The following HPSE2 variants were observed in gnomAD, a reference collection of about 807,000 sequenced individuals.
The protein encoded by HPSE2 is inactive heparanase-2.
A neutral mutation model predicts 60.5 loss-of-function variants in HPSE2; 38 were observed. The observed-to-expected ratio is 0.63, with a 90% confidence interval of 0.48 to 0.82. The LOEUF (loss-of-function observed/expected upper bound fraction) is 0.82. Among genes scored for constraint, HPSE2 ranks in the 40% least tolerant of loss-of-function variants. HPSE2 has a pLI of 0.00. For synonymous variants in HPSE2, 295 were observed against 293.2 expected (o/e 1.01, Z -0.06); for missense variants, 713 against 740.4 (o/e 0.96, Z 0.43).
rs545337943 is a variant in HPSE2 at position 99,117,949 on chromosome 10, C to A, written c.610+26289G>T. The stretch of plus-strand genomic sequence containing the variant: ...AATTCAGGCCAATATCCTTGATGAA[C>A]ATCGATGCAAAAATCCTAAGCAAAA... On this transcript the variant is annotated intron_variant, in intron 3 of 11. Transcript: ENST00000370552. Among the ~76,000 whole-genome samples the A allele has an allele frequency of 2.6e-5, 4 of 152,228 alleles. No homozygotes were observed. The South Asian group carries it at 8.3e-4, about 32-fold the overall frequency.
chr10:99,306,281 C>T, the HPSE2 span, among the ~76,000 whole-genome samples: 1 of 152,120 alleles, frequency 6.6e-6, no homozygotes, highest in East Asian at 1.9e-4. Flanking sequence ...CCCTCCTCCT[C>T]CATTTTACCC....
chr10:99,177,877 C>A (rs1389241256), intron 2 of HPSE2, among the ~76,000 whole-genome samples: 2 of 152,114 alleles, frequency 1.3e-5, no homozygotes, highest in Non-Finnish European at 2.9e-5. Context: ...GGAAGTAAAA[C>A]ATTCCTCAGC....
chr10:98,929,222 G>A (rs1158089075), intron 3 of HPSE2, among the ~76,000 whole-genome samples: 1 of 142,960 alleles, frequency 7.0e-6, no homozygotes, highest in East Asian at 2.0e-4. Flanking sequence ...CAATATGCCA[G>A]GCAAAAGAAC....
At chr10:98,952,641 A>G (rs1046529503) in intron 3 of HPSE2, among the ~76,000 whole-genome samples, 1 of 152,166 alleles carries the variant, frequency 6.6e-6, no homozygotes, top group African/African-American at 2.4e-5. Flanking sequence ...ATACCATATA[A>G]TAAGTGGTTT....
intron 3 of HPSE2, among the ~76,000 whole-genome samples, chr10:98,984,932 GT>G (rs1956301626): frequency 6.6e-6 from 1 of 152,108 alleles, no homozygotes; most frequent in Non-Finnish European, 1.5e-5. Context: ...GAGAAGGGAA[GT>G]TTAGAGAAAA....
rs528047262 is a variant in HPSE2 at position 99,218,463 on chromosome 10, C to A, written c.448+13885G>T. ...TCCTCGACTCTCTTTTCCCCTCCCC[C>A]TGAGTTTTCAATCGTTCTGTTCCAC... On this transcript the variant is annotated intron_variant, in intron 2 of 11. Coordinates refer to ENST00000370552, the MANE Select transcript of HPSE2 (RefSeq NM_021828.5). Among the ~76,000 whole-genome samples, 10 of 152,108 alleles carry A rather than the reference C, an allele frequency of 6.6e-5. No homozygotes were observed. The East Asian group carries it at 1.9e-3, about 30-fold the overall frequency.
intron 2 of HPSE2, among the ~76,000 whole-genome samples, chr10:99,212,376 T>C (rs1848981346): frequency 6.6e-6 from 1 of 152,098 alleles, no homozygotes; most frequent in Admixed American, 6.6e-5. Flanking sequence ...CACTGCAACA[T>C]TATTCACAAT....
intron 3 of HPSE2, among the ~76,000 whole-genome samples, chr10:99,011,108 G>C (rs1957002867): frequency 6.7e-6 from 1 of 149,346 alleles, no homozygotes; most frequent in East Asian, 2.0e-4. Flanking sequence ...GAGAACATGT[G>C]GTATTTAGTT....
chr10:98,543,768 A>C (rs1943557946), intron 9 of HPSE2, among the ~76,000 whole-genome samples: 1 of 152,206 alleles, frequency 6.6e-6, no homozygotes, highest in Admixed American at 6.5e-5. Flanking sequence ...CAATTCAACA[A>C]GAAGAGCTAA....
intron 3 of HPSE2, among the ~76,000 whole-genome samples, chr10:98,996,492 G>C (rs2135357986): frequency 6.6e-6 from 1 of 152,274 alleles, no homozygotes; most frequent in South Asian, 2.1e-4. Flanking sequence ...TCTGCTCCTA[G>C]ATATTTTTAT....
chr10:99,070,685 C>A (rs1842759677), intron 3 of HPSE2, among the ~76,000 whole-genome samples: 1 of 152,178 alleles, frequency 6.6e-6, no homozygotes, highest in Non-Finnish European at 1.5e-5. Context: ...CAGCCTTTGG[C>A]AGCCACAATT....
intron 2 of HPSE2, among the ~76,000 whole-genome samples, chr10:99,149,910 G>T (rs534235022): frequency 6.6e-6 from 1 of 150,628 alleles, no homozygotes; most frequent in Non-Finnish European, 1.5e-5. Context: ...TTTCTGGCCT[G>T]GATGATCTCT....
intron 4 of HPSE2, among the ~76,000 whole-genome samples, chr10:98,731,517 A>G (rs1949227413): frequency 1.3e-5 from 2 of 152,194 alleles, no homozygotes; most frequent in South Asian, 4.1e-4. Flanking sequence ...GACCAAAACT[A>G]AATTATCATC....
At chr10:99,195,846 T>A (rs375285739) in intron 2 of HPSE2, among the ~76,000 whole-genome samples, 11 of 149,336 alleles carry the variant, frequency 7.4e-5, no homozygotes, top group Non-Finnish European at 7.4e-5. Context: ...TTCACCAAAA[T>A]AAAAAAAAAA....
intron 3 of HPSE2, among the ~76,000 whole-genome samples, chr10:98,882,685 T>C (rs1953057169): frequency 6.6e-6 from 1 of 152,122 alleles, no homozygotes; most frequent in Non-Finnish European, 1.5e-5. Flanking sequence ...CAGGAAAGTA[T>C]GTTCTACTCA....
intron 3 of HPSE2, among the ~76,000 whole-genome samples, chr10:99,132,232 AGAGAG>A (rs1564833237): frequency 1.5e-4 from 8 of 53,098 alleles, no homozygotes; most frequent in Non-Finnish European, 4.6e-4. Flanking sequence ...AGAGAGAGAG[AGAGAG>A]AGAGAGAAAG....
the HPSE2 span, among the ~76,000 whole-genome samples, chr10:99,247,361 C>T: frequency 6.6e-6 from 1 of 152,214 alleles, no homozygotes; most frequent in Admixed American, 6.5e-5. Context: ...TAAGTTCATT[C>T]CAGCTTTACT....
rs137955384 is a variant in HPSE2 at position 99,194,844 on chromosome 10, T to A, written c.448+37504A>T. Among the ~76,000 whole-genome samples the A allele has an allele frequency of 3.9e-5, 6 of 152,182 alleles. No homozygotes were observed. The East Asian group carries it at 9.6e-4, about 24-fold the overall frequency. ...GAACTATTACCAAACCTACTCAAAC[T>A]ATTCTGAAAAATTAGAGAAGAAGGA... On this transcript the variant is annotated intron_variant, in intron 2 of 11. Coordinates refer to ENST00000370552, the MANE Select transcript of HPSE2 (RefSeq NM_021828.5).
chr10:99,160,388 C>G (rs1846779234), intron 2 of HPSE2, among the ~76,000 whole-genome samples: 1 of 152,094 alleles, frequency 6.6e-6, no homozygotes, highest in Non-Finnish European at 1.5e-5. Context: ...ACTACACACC[C>G]ACTAGAATAG....
Sources: gnomAD v4.1 joint callset for allele counts (sites outside exome capture counted in the v4.1 genomes callset) on GRCh38, gnomAD v4.1.1 for gene constraint, MANE v1.5 for transcripts, NCBI Gene and HGNC (gene_info 2026-07-23, HGNC 2026-07-21) for gene names.